The following CSNK1A1 variants were observed in gnomAD, a reference collection of about 807,000 sequenced individuals.
The protein encoded by CSNK1A1 is casein kinase 1 alpha 1.
Under a neutral mutation model 46.1 loss-of-function variants are expected in CSNK1A1, and 7 were observed. The ratio of observed to expected loss-of-function variants is 0.15; its 90% confidence interval spans 0.09 to 0.29. CSNK1A1 has a LOEUF of 0.29. CSNK1A1 is among the 10% of genes least tolerant of loss of function. The pLI is 1.00. For synonymous variants in CSNK1A1, 137 were observed against 141.5 expected (o/e 0.97, Z 0.23); for missense variants, 96 against 417.1 (o/e 0.23, Z 6.71).
At chr5:149,521,270 C>CTTTTTT (rs909460651) in intron 3 of CSNK1A1, among the ~76,000 whole-genome samples, 5 of 123,948 alleles carry the variant, frequency 4.0e-5, no homozygotes, top group African/African-American at 6.0e-5. Context: ...ATTTACTCTT[C>CTTTTTT]TTTTTTTTTT....
intron 9 of CSNK1A1, among the ~76,000 whole-genome samples, chr5:149,500,271 G>A (rs1321616643): frequency 6.6e-6 from 1 of 151,710 alleles, no homozygotes; most frequent in Non-Finnish European, 1.5e-5. Flanking sequence ...CCAAGTAGCT[G>A]GGACTATAGG....
intron 9 of CSNK1A1, chr5:149,499,023 A>T (rs1355658093): frequency 1.0e-6 from 1 of 985,338 alleles, no homozygotes; most frequent in Non-Finnish European, 1.2e-6. Context: ...TAACTCTTCA[A>T]ATGGGTCAAT....
intron 9 of CSNK1A1, chr5:149,503,897 C>G: frequency 1.0e-6 from 1 of 985,410 alleles, no homozygotes; most frequent in Non-Finnish European, 1.2e-6. Flanking sequence ...ATCCTATTAT[C>G]CCAGCTAGCT....
At position 149,494,937 on chromosome 5, in the gene CSNK1A1, G is replaced by A. The variant is rs1444430258; in HGVS notation, c.*1916C>T. 1 of 152,186 alleles carries A rather than the reference G, an allele frequency of 6.6e-6. No homozygotes were observed. The highest frequency in any genetic ancestry group is 1.5e-5 in the Non-Finnish European group (1 of 68,028). The allele number at this position is 152,186 out of a possible 1,614,324, so 9.4% of individuals were successfully genotyped here. A position where few individuals can be genotyped will look rare whatever the true frequency, so the allele number is the denominator to read the frequency against. On this transcript the variant is annotated 3_prime_UTR_variant, in exon 10 of 10. Coordinates refer to ENST00000377843, the MANE Select transcript of CSNK1A1 (RefSeq NM_001892.6). ...AAAATATCTTGCTAGAGGGAGTTCA[G>A]CTTGGAAGTTATTACCAAAGCTAAA...
intron 8 of CSNK1A1, among the ~76,000 whole-genome samples, chr5:149,505,880 T>C (rs1761006828): frequency 6.6e-6 from 1 of 152,056 alleles, no homozygotes; most frequent in African/African-American, 2.4e-5. Context: ...GATGTCTGAC[T>C]GGTACCTGGG....
At chr5:149,543,573 T>A (rs2113191543) in intron 2 of CSNK1A1, among the ~76,000 whole-genome samples, 1 of 152,300 alleles carries the variant, frequency 6.6e-6, no homozygotes, top group Admixed American at 6.5e-5. Flanking sequence ...CTTTATTCTC[T>A]GATAACAGCC....
intron 2 of CSNK1A1, among the ~76,000 whole-genome samples, chr5:149,542,610 A>G (rs185991259): frequency 2.9e-3 from 31 of 10,848 alleles, no homozygotes; most frequent in South Asian, 6.5e-3. Context: ...ATATATATAT[A>G]TATATATATA....
chr5:149,537,305 G>A (rs897379178), intron 2 of CSNK1A1, among the ~76,000 whole-genome samples: 2 of 152,140 alleles, frequency 1.3e-5, no homozygotes, highest in Non-Finnish European at 2.9e-5. Context: ...GAACCCAGGA[G>A]GCAGAGGTTG....
At chr5:149,530,149 C>T (rs1485845526) in intron 2 of CSNK1A1, among the ~76,000 whole-genome samples, 3 of 151,888 alleles carry the variant, frequency 2.0e-5, no homozygotes, top group African/African-American at 4.8e-5. Context: ...TAATTAGGGG[C>T]AATCATTATA....
chr5:149,498,892 A>G (rs1760737250), intron 9 of CSNK1A1: 7 of 985,450 alleles, frequency 7.1e-6, no homozygotes, highest in Middle Eastern at 5.2e-4. Flanking sequence ...ATGTATCTGT[A>G]CATCTTTTGA....
At chr5:149,502,352 CTTG>C (rs1466605166) in intron 9 of CSNK1A1, 1 of 962,846 alleles carries the variant, frequency 1.0e-6, no homozygotes, top group East Asian at 1.1e-4. Context: ...CTAAAAATTC[CTTG>C]TTGTGACACA....
intron 2 of CSNK1A1, chr5:149,529,819 A>T (rs1188068447): frequency 2.2e-6 from 1 of 444,760 alleles, no homozygotes; most frequent in Non-Finnish European, 4.5e-6. Flanking sequence ...ATGGAAATGG[A>T]GGACCAGGGG....
At chr5:149,514,319 G>A (rs1181308246) in intron 4 of CSNK1A1, among the ~76,000 whole-genome samples, 2 of 152,118 alleles carry the variant, frequency 1.3e-5, no homozygotes, top group African/African-American at 4.8e-5. Flanking sequence ...CAGAACTTAA[G>A]CCTTTTATAA....
chr5:149,511,738 T>C, intron 6 of CSNK1A1, 56 bp downstream of exon 6: 3 of 1,193,676 alleles, frequency 2.5e-6, no homozygotes, highest in South Asian at 1.4e-5. Context: ...TTCTCCAATA[T>C]ATATTTTTAT....
chr5:149,498,544 A>C (rs1366333588), intron 9 of CSNK1A1: 2 of 985,152 alleles, frequency 2.0e-6, no homozygotes, highest in African/African-American at 3.5e-5. Context: ...AAAAAAGTAC[A>C]ATACAGGATA....
chr5:149,535,539 T>G (rs1762035345), intron 2 of CSNK1A1, among the ~76,000 whole-genome samples: 1 of 152,166 alleles, frequency 6.6e-6, no homozygotes, highest in Non-Finnish European at 1.5e-5. Context: ...AGGGATAACA[T>G]GTACATTAAA....
At chr5:149,541,713 C>T (rs866123701) in intron 2 of CSNK1A1, among the ~76,000 whole-genome samples, 13 of 151,916 alleles carry the variant, frequency 8.6e-5, no homozygotes, top group African/African-American at 2.2e-4. Flanking sequence ...CGGTGGCTCA[C>T]GCCTGTAATC....
intron 9 of CSNK1A1, among the ~76,000 whole-genome samples, chr5:149,500,373 G>C (rs1760806734): frequency 1.3e-5 from 2 of 152,012 alleles, no homozygotes; most frequent in South Asian, 4.1e-4. Flanking sequence ...TCCTGACCTT[G>C]TGATCCGCCC....
chr5:149,526,552 C>G (rs1392972809), intron 2 of CSNK1A1, among the ~76,000 whole-genome samples: 2 of 152,188 alleles, frequency 1.3e-5, no homozygotes, highest in Non-Finnish European at 2.9e-5. Flanking sequence ...TCCTGCTTTG[C>G]TGATAAATGC....
Sources: gnomAD v4.1 joint callset for allele counts (sites outside exome capture counted in the v4.1 genomes callset) on GRCh38, gnomAD v4.1.1 for gene constraint, MANE v1.5 for transcripts, NCBI Gene and HGNC (gene_info 2026-07-23, HGNC 2026-07-21) for gene names.